CCDC30: variants seen among roughly 807,000 people sequenced by gnomAD.
CCDC30 encodes coiled-coil domain-containing protein 30.
A neutral mutation model predicts 100.2 loss-of-function variants in CCDC30; 70 were observed. The observed-to-expected ratio is 0.70, with a 90% CI of 0.58 to 0.85. The LOEUF (loss-of-function observed/expected upper bound fraction) is 0.85, where lower values mean the gene tolerates loss of function less well. Among genes scored for constraint, CCDC30 ranks in the 40% least tolerant of loss-of-function variants. The probability of loss-of-function intolerance (pLI) is 0.00; values close to 1 mark genes in which losing one functional copy is unlikely to be tolerated. For missense variants in CCDC30, 652 were observed against 771.2 expected (o/e 0.85, Z 1.83); for synonymous variants, 233 against 269.5 (o/e 0.86, Z 1.33).
chr1:42,643,548 A>T (rs1315177574), intron 13 of CCDC30, among the ~76,000 whole-genome samples: 1 of 152,178 alleles, frequency 6.6e-6, no homozygotes, highest in African/African-American at 2.4e-5. Flanking sequence ...CAACACAATT[A>T]ACTCATTACC....
Position 42,520,634 on chromosome 1 carries a change from C to CTTTTTTTTTTTT in CCDC30, c.456+21731_456+21742dup, listed in dbSNP as rs1181298704. On this transcript the variant is annotated intron_variant, in intron 6 of 16. Transcript: ENST00000668663. ...CATGAGCCACCACGCCCGGCCTCAT[C>CTTTTTTTTTTTT]TTTTTTTTTTTTTTTTTTTTTTTTG... is the stretch of plus-strand genomic sequence containing the variant. 4.6e-5 allele frequency among the ~76,000 whole-genome samples: 3 copies of CTTTTTTTTTTTT among 64,772 alleles called. 1 individual carries two copies. Among genetic ancestry groups the CTTTTTTTTTTTT allele is most frequent in the Non-Finnish European group, 5.5e-5 (2 of 36,406 alleles). The allele number at this position is 64,772 out of a possible 152,430, so 42.5% of individuals were successfully genotyped here. A position where few individuals can be genotyped will look rare whatever the true frequency, so the allele number is the denominator to read the frequency against.
chr1:42,498,070 AT>A (rs1162394708), intron 5 of CCDC30, among the ~76,000 whole-genome samples: 2 of 152,168 alleles, frequency 1.3e-5, no homozygotes, highest in African/African-American at 2.4e-5. Flanking sequence ...TGGTATAGCC[AT>A]ACAATGGAAT....
intron 1 of CCDC30, among the ~76,000 whole-genome samples, chr1:42,477,061 A>T (rs1342755687): frequency 6.6e-6 from 1 of 151,100 alleles, no homozygotes; most frequent in Non-Finnish European, 1.5e-5. Flanking sequence ...GTTGCATTTT[A>T]AGAGTTTTCT....
intron 6 of CCDC30, among the ~76,000 whole-genome samples, 157 bp from the exon 7 acceptor site, chr1:42,536,319 G>C (rs1413491617): frequency 1.3e-5 from 2 of 152,130 alleles, no homozygotes; most frequent in African/African-American, 4.8e-5. Flanking sequence ...TTAAGGCTTA[G>C]AGAGAAAAAT....
At chr1:42,655,832 A>C (rs1648638344), downstream of CCDC30, among the ~76,000 whole-genome samples, 1 of 150,894 alleles carries the variant, frequency 6.6e-6, no homozygotes, top group East Asian at 2.0e-4. Flanking sequence ...TCTATAAATT[A>C]AACGTTCTCT....
intron 11 of CCDC30, among the ~76,000 whole-genome samples, chr1:42,612,314 T>C (rs1281222024): frequency 1.3e-5 from 2 of 152,126 alleles, no homozygotes; most frequent in Admixed American, 6.5e-5. Context: ...ATTTCAGGAA[T>C]AGGATATCAT....
At chr1:42,506,663 C>T (rs1644399727) in intron 6 of CCDC30, among the ~76,000 whole-genome samples, 1 of 152,192 alleles carries the variant, frequency 6.6e-6, no homozygotes, top group African/African-American at 2.4e-5. Context: ...CTGTTTACCT[C>T]TTCTTTGGAT....
intron 6 of CCDC30, among the ~76,000 whole-genome samples, chr1:42,509,746 C>T (rs1444857736): frequency 6.6e-6 from 1 of 152,116 alleles, no homozygotes; most frequent in Non-Finnish European, 1.5e-5. Flanking sequence ...ACTAGACTGG[C>T]TGCAACTTAA....
intron 10 of CCDC30, among the ~76,000 whole-genome samples, chr1:42,598,928 G>A (rs1371216019): frequency 6.6e-6 from 1 of 152,042 alleles, no homozygotes; most frequent in East Asian, 1.9e-4. Flanking sequence ...CTAAGTGAAG[G>A]AGAAATACTT....
intron 11 of CCDC30, among the ~76,000 whole-genome samples, chr1:42,622,101 A>G (rs2148658849): frequency 6.6e-6 from 1 of 152,248 alleles, no homozygotes; most frequent in South Asian, 2.1e-4. Context: ...TACTCTTCCC[A>G]GTCTCTGGTA....
At chr1:42,550,818 G>C (rs1040593115) in intron 6 of CCDC30, among the ~76,000 whole-genome samples, 11 of 152,132 alleles carry the variant, frequency 7.2e-5, no homozygotes, top group African/African-American at 2.4e-4. Context: ...TTAGTATGTG[G>C]AGTAGTGCTT....
At chr1:42,651,045 G>A (rs142346620) in intron 15 of CCDC30, among the ~76,000 whole-genome samples, 99 of 152,188 alleles carry the variant, frequency 6.5e-4, no homozygotes, top group African/African-American at 2.2e-3. Context: ...AAAGTGGACC[G>A]TTACCTAACA....
intron 7 of CCDC30, among the ~76,000 whole-genome samples, chr1:42,569,390 T>C (rs1291977491): frequency 6.6e-6 from 1 of 152,222 alleles, no homozygotes; most frequent in Non-Finnish European, 1.5e-5. Context: ...TCATCATCGC[T>C]GGTCATTAGA....
the CCDC30 span, chr1:42,456,668 C>T: frequency 6.2e-7 from 1 of 1,601,794 alleles, no homozygotes; most frequent in African/African-American, 1.3e-5. Flanking sequence ...CGCGCAGGGC[C>T]GGCGGGTGGT....
intron 9 of CCDC30, among the ~76,000 whole-genome samples, chr1:42,586,265 A>T (rs1570154510): frequency 1.3e-5 from 2 of 152,276 alleles, no homozygotes; most frequent in Middle Eastern, 3.4e-3. Flanking sequence ...TAAGGAGGTG[A>T]CGTAGGCCTA....
chr1:42,533,037 G>A (rs1347490406), intron 6 of CCDC30, among the ~76,000 whole-genome samples: 3 of 152,212 alleles, frequency 2.0e-5, no homozygotes, highest in South Asian at 2.1e-4. Context: ...GATTACAGGC[G>A]TGAGCCACCT....
chr1:42,477,679 T>G (rs1643899398), intron 1 of CCDC30, among the ~76,000 whole-genome samples: 1 of 152,230 alleles, frequency 6.6e-6, no homozygotes. Context: ...CAAATTAGAC[T>G]TGATCTGGAC....
At chr1:42,624,222 T>A (rs942703920) in intron 11 of CCDC30, among the ~76,000 whole-genome samples, 2 of 152,210 alleles carry the variant, frequency 1.3e-5, no homozygotes, top group African/African-American at 2.4e-5. Flanking sequence ...ATAAAATTGT[T>A]TCTTCTGTCC....
chr1:42,616,925 A>G (rs962456530), intron 11 of CCDC30, among the ~76,000 whole-genome samples: 33 of 152,250 alleles, frequency 2.2e-4, no homozygotes, highest in African/African-American at 7.2e-4. Context: ...TTAATAGGAC[A>G]TAATACAGCT....
Sources: allele counts gnomAD v4.1 joint callset (sites outside exome capture counted in the v4.1 genomes callset), GRCh38; gene constraint gnomAD v4.1.1; transcripts MANE v1.5; gene names NCBI Gene and HGNC (gene_info 2026-07-23, HGNC 2026-07-21).